PLXDC2: variants seen among roughly 807,000 people sequenced by gnomAD.
The protein encoded by PLXDC2 is plexin domain-containing protein 2.
In PLXDC2, 40 loss-of-function variants were observed where a neutral mutation model predicts 68.9. That is an observed-to-expected ratio of 0.58 (90% CI 0.45 to 0.76). PLXDC2 has a LOEUF of 0.76. Among genes scored for constraint, PLXDC2 ranks in the 30% least tolerant of loss-of-function variants. The pLI is 0.00. For missense variants in PLXDC2, 644 were observed against 661.9 expected (o/e 0.97, Z 0.30); for synonymous variants, 243 against 234.2 (o/e 1.04, Z -0.34).
chr10:20,067,260 C>T (rs1836227146), intron 3 of PLXDC2, among the ~76,000 whole-genome samples: 1 of 152,162 alleles, frequency 6.6e-6, no homozygotes, highest in African/African-American at 2.4e-5. Flanking sequence ...CCCTGAGTCT[C>T]TGTAATTTAC....
At chr10:19,997,362 C>G (rs1564651670) in intron 1 of PLXDC2, among the ~76,000 whole-genome samples, 1 of 152,206 alleles carries the variant, frequency 6.6e-6, no homozygotes. Flanking sequence ...TCCAGCCAAT[C>G]TGCTTTCAGT....
chr10:20,119,230 C>T (rs898017180), intron 4 of PLXDC2, among the ~76,000 whole-genome samples: 5 of 152,124 alleles, frequency 3.3e-5, no homozygotes, highest in Non-Finnish European at 7.4e-5. Flanking sequence ...GAAGAGACCA[C>T]CAAACAGGCT....
At chr10:19,875,042 A>G (rs372407699) in intron 1 of PLXDC2, among the ~76,000 whole-genome samples, 1 of 152,190 alleles carries the variant, frequency 6.6e-6, no homozygotes, top group Non-Finnish European at 1.5e-5. Flanking sequence ...ACCCTCTAAC[A>G]GCATCACTCC....
intron 13 of PLXDC2, among the ~76,000 whole-genome samples, chr10:20,264,077 A>G (rs768958918): frequency 2.0e-5 from 3 of 152,176 alleles, no homozygotes; most frequent in Non-Finnish European, 4.4e-5. Flanking sequence ...ATGTCCATCA[A>G]TGACACACTG....
At chr10:20,083,679 A>G (rs1489079174) in intron 4 of PLXDC2, among the ~76,000 whole-genome samples, 2 of 152,216 alleles carry the variant, frequency 1.3e-5, no homozygotes, top group African/African-American at 4.8e-5. Flanking sequence ...TTTCTTCATA[A>G]CTATTTTATT....
intron 12 of PLXDC2, among the ~76,000 whole-genome samples, chr10:20,221,092 C>T (rs552705570): frequency 6.6e-6 from 1 of 152,184 alleles, no homozygotes; most frequent in South Asian, 2.1e-4. Flanking sequence ...ATCCACCCGT[C>T]TCGACCTCCC....
At chr10:20,189,106 G>C (rs1224167107) in intron 9 of PLXDC2, among the ~76,000 whole-genome samples, 2 of 82,456 alleles carry the variant, frequency 2.4e-5, no homozygotes, top group East Asian at 3.9e-4. Context: ...AGAATGCAAA[G>C]TAAAAGTTTA....
At chr10:19,867,978 G>A (rs1837453814) in intron 1 of PLXDC2, among the ~76,000 whole-genome samples, 2 of 152,166 alleles carry the variant, frequency 1.3e-5, no homozygotes, top group East Asian at 3.9e-4. Context: ...TTTCAACTAG[G>A]TTTAAACAAG....
intron 7 of PLXDC2, among the ~76,000 whole-genome samples, chr10:20,176,390 A>ATGTGCG (rs1834527297): frequency 6.7e-6 from 1 of 149,330 alleles, no homozygotes; most frequent in African/African-American, 2.5e-5. Flanking sequence ...TCGCACAGTT[A>ATGTGCG]TGTGTGTGTG....
At chr10:19,921,862 AT>A (rs531599218) in intron 1 of PLXDC2, among the ~76,000 whole-genome samples, 1 of 151,650 alleles carries the variant, frequency 6.6e-6, no homozygotes, top group East Asian at 1.9e-4. Context: ...ATTTTTTTTA[AT>A]TTTTTTATTT....
intron 4 of PLXDC2, among the ~76,000 whole-genome samples, chr10:20,086,463 A>G (rs1181401518): frequency 6.6e-6 from 1 of 151,666 alleles, no homozygotes; most frequent in African/African-American, 2.4e-5. Context: ...AAGTGCTGGG[A>G]TTACAGGCAT....
chr10:19,997,312 A>G (rs1163674538), intron 1 of PLXDC2, among the ~76,000 whole-genome samples: 8 of 152,226 alleles, frequency 5.3e-5, no homozygotes, highest in Non-Finnish European at 8.8e-5. Flanking sequence ...ATGGCATTCT[A>G]TCTTAGCCAA....
chr10:20,117,917 G>A (rs1042145010), intron 4 of PLXDC2, among the ~76,000 whole-genome samples: 1 of 152,148 alleles, frequency 6.6e-6, no homozygotes, highest in Non-Finnish European at 1.5e-5. Flanking sequence ...TTTAGACTAA[G>A]TAAGCTGGAT....
intron 1 of PLXDC2, among the ~76,000 whole-genome samples, chr10:19,878,195 C>T: frequency 7.0e-6 from 1 of 142,338 alleles, no homozygotes; most frequent in African/African-American, 2.6e-5. Context: ...TTTTTTTTAT[C>T]AGACTCTTGA....
intron 1 of PLXDC2, among the ~76,000 whole-genome samples, chr10:19,846,411 A>G (rs1194917381): frequency 6.6e-6 from 1 of 152,186 alleles, no homozygotes; most frequent in Non-Finnish European, 1.5e-5. Flanking sequence ...AAGAAAGTCA[A>G]GTCTTACTGA....
At chr10:20,087,721 A>C (rs1833218708) in intron 4 of PLXDC2, among the ~76,000 whole-genome samples, 1 of 152,260 alleles carries the variant, frequency 6.6e-6, no homozygotes, top group South Asian at 2.1e-4. Context: ...GTTAATTTAA[A>C]ACCAAGGCCG....
chr10:20,117,636 A>G (rs1833639114), intron 4 of PLXDC2, among the ~76,000 whole-genome samples: 1 of 152,166 alleles, frequency 6.6e-6, no homozygotes. Flanking sequence ...AAATTCAACT[A>G]TGTATTGCCC....
At chr10:20,131,006 A>C (rs965480461) in intron 4 of PLXDC2, among the ~76,000 whole-genome samples, 1 of 152,132 alleles carries the variant, frequency 6.6e-6, no homozygotes, top group South Asian at 2.1e-4. Flanking sequence ...AGAGTTTGCA[A>C]GTGTTTCTTT....
At chr10:19,959,797 A>G (rs188104758) in intron 1 of PLXDC2, among the ~76,000 whole-genome samples, 20 of 152,286 alleles carry the variant, frequency 1.3e-4, no homozygotes, top group African/African-American at 4.3e-4. Flanking sequence ...AAGATCTTCT[A>G]TGAAGAGTTT....
Sources: gnomAD v4.1 joint callset for allele counts (sites outside exome capture counted in the v4.1 genomes callset) on GRCh38, gnomAD v4.1.1 for gene constraint, MANE v1.5 for transcripts, NCBI Gene and HGNC (gene_info 2026-07-23, HGNC 2026-07-21) for gene names.